ULK4: variants seen among roughly 807,000 people sequenced by gnomAD.
ULK4 encodes the protein inactive serine/threonine-protein kinase ULK4.
ULK4 carries 133 observed loss-of-function variants against 160.6 expected under a neutral mutation model. The observed-to-expected ratio is 0.83, with a 90% CI of 0.72 to 0.96. The LOEUF (loss-of-function observed/expected upper bound fraction) is 0.96. ULK4 is among the 40% of genes least tolerant of loss of function. ULK4 has a pLI of 0.00. For missense variants in ULK4, 1,580 were observed against 1,499.5 expected (o/e 1.05, Z -0.89); for synonymous variants, 534 against 539.8 (o/e 0.99, Z 0.15).
chr3:41,697,202 A>AAT (rs770704174), intron 27 of ULK4, among the ~76,000 whole-genome samples: 4 of 152,116 alleles, frequency 2.6e-5, no homozygotes, highest in South Asian at 2.1e-4. Flanking sequence ...GTTAACTTTA[A>AAT]ATATATATAT....
chr3:41,253,489 C>A, intron 35 of ULK4, among the ~76,000 whole-genome samples: 1 of 150,448 alleles, frequency 6.6e-6, no homozygotes, highest in Non-Finnish European at 1.5e-5. Flanking sequence ...CAAGAGCAAC[C>A]ACTTAAAAAA....
intron 35 of ULK4, among the ~76,000 whole-genome samples, chr3:41,296,187 G>C (rs534993231): frequency 6.6e-6 from 1 of 152,172 alleles, no homozygotes; most frequent in Admixed American, 6.5e-5. Flanking sequence ...TTGATAGTGC[G>C]GGATGCAGTG....
intron 32 of ULK4, among the ~76,000 whole-genome samples, chr3:41,463,473 C>T (rs1575257818): frequency 6.6e-6 from 1 of 152,114 alleles, no homozygotes; most frequent in East Asian, 1.9e-4. Flanking sequence ...AAGAAGTTCC[C>T]CAAGTGATTT....
intron 17 of ULK4, among the ~76,000 whole-genome samples, chr3:41,850,302 C>T (rs1180211011): frequency 6.6e-6 from 1 of 152,154 alleles, no homozygotes; most frequent in Non-Finnish European, 1.5e-5. Context: ...AGCAGCATGA[C>T]TTACAATCCT....
chr3:41,736,250 C>A (rs1441300712), intron 22 of ULK4, among the ~76,000 whole-genome samples: 1 of 151,590 alleles, frequency 6.6e-6, no homozygotes, highest in East Asian at 1.9e-4. Flanking sequence ...AGTTCTAGAT[C>A]ACTGAGGAAT....
intron 31 of ULK4, among the ~76,000 whole-genome samples, chr3:41,581,398 A>C (rs1165784284): frequency 6.6e-6 from 1 of 152,246 alleles, no homozygotes; most frequent in East Asian, 1.9e-4. Flanking sequence ...AGAGGTTTTA[A>C]TGAGAACTTG....
chr3:41,369,126 G>A (rs1360726338), intron 35 of ULK4, among the ~76,000 whole-genome samples: 1 of 152,178 alleles, frequency 6.6e-6, no homozygotes, highest in African/African-American at 2.4e-5. Context: ...TCAAAATGAT[G>A]AGAGTACTCT....
intron 16 of ULK4, among the ~76,000 whole-genome samples, chr3:41,895,004 G>A (rs1312989876): frequency 1.3e-5 from 2 of 152,168 alleles, no homozygotes; most frequent in Admixed American, 1.3e-4. Flanking sequence ...ATCTAGGGAA[G>A]CTATGTGCTA....
At chr3:41,796,460 C>A (rs1287984631) in intron 20 of ULK4, among the ~76,000 whole-genome samples, 4 of 152,070 alleles carry the variant, frequency 2.6e-5, no homozygotes, top group Non-Finnish European at 5.9e-5. Context: ...GATGTGGTGG[C>A]ATGCACCTGT....
At chr3:41,268,699 G>A (rs369913492) in intron 35 of ULK4, among the ~76,000 whole-genome samples, 2 of 151,808 alleles carry the variant, frequency 1.3e-5, no homozygotes, top group South Asian at 2.1e-4. Context: ...CCAGCTACTC[G>A]GGAGGCTGAG....
chr3:41,520,966 T>G (rs1469118717), intron 32 of ULK4, among the ~76,000 whole-genome samples: 1 of 152,224 alleles, frequency 6.6e-6, no homozygotes, highest in Admixed American at 6.5e-5. Flanking sequence ...ATTAATTCCT[T>G]ATCAGATATG....
At chr3:41,480,982 G>C (rs568281043) in intron 32 of ULK4, among the ~76,000 whole-genome samples, 12 of 152,148 alleles carry the variant, frequency 7.9e-5, no homozygotes, top group Non-Finnish European at 1.5e-4. Context: ...GGGGATTATG[G>C]GAGCTACAGT....
intron 21 of ULK4, among the ~76,000 whole-genome samples, chr3:41,770,427 A>C (rs1008275445): frequency 6.6e-6 from 1 of 152,140 alleles, no homozygotes; most frequent in Admixed American, 6.5e-5. Flanking sequence ...CTTCACATCC[A>C]TAAAATAATC....
chr3:41,463,299 C>G, intron 32 of ULK4, 46 bp from the exon 33 acceptor site: 2 of 1,576,816 alleles, frequency 1.3e-6, no homozygotes, highest in Non-Finnish European at 8.6e-7. Flanking sequence ...ATTAAGTACA[C>G]AAATGTGTCA....
intron 35 of ULK4, among the ~76,000 whole-genome samples, chr3:41,395,285 G>T (rs913699224): frequency 1.3e-5 from 2 of 151,212 alleles, no homozygotes; most frequent in African/African-American, 2.4e-5. Context: ...GCCGTGGATT[G>T]TAACTCACTG....
chr3:41,573,940 T>C (rs1289909390), intron 31 of ULK4, among the ~76,000 whole-genome samples: 1 of 152,196 alleles, frequency 6.6e-6, no homozygotes, highest in East Asian at 1.9e-4. Context: ...CACATTTCCA[T>C]ATTACTGATG....
intron 34 of ULK4, among the ~76,000 whole-genome samples, chr3:41,420,249 A>G (rs2082629661): frequency 2.0e-5 from 3 of 151,978 alleles, no homozygotes; most frequent in Admixed American, 2.0e-4. Context: ...CTTTAAATTT[A>G]TATTTTAATT....
At chr3:41,684,836 T>C (rs1010957884) in intron 27 of ULK4, among the ~76,000 whole-genome samples, 3 of 152,248 alleles carry the variant, frequency 2.0e-5, no homozygotes, top group Non-Finnish European at 2.9e-5. Flanking sequence ...AAAAGCACTT[T>C]TCTTATTCTC....
chr3:41,469,239 G>C (rs771209969), intron 32 of ULK4, among the ~76,000 whole-genome samples: 1 of 152,148 alleles, frequency 6.6e-6, no homozygotes, highest in Non-Finnish European at 1.5e-5. Context: ...TGCCTAGACA[G>C]AGAGACAAAT....
Sources: allele counts gnomAD v4.1 joint callset (sites outside exome capture counted in the v4.1 genomes callset), GRCh38; gene constraint gnomAD v4.1.1; transcripts MANE v1.5; gene names NCBI Gene and HGNC (gene_info 2026-07-23, HGNC 2026-07-21).